The following GRM4 variants were observed in gnomAD, a reference collection of about 807,000 sequenced individuals.
GRM4 encodes the protein metabotropic glutamate receptor 4.
Under a neutral mutation model 81.7 loss-of-function variants are expected in GRM4, and 28 were observed. The observed-to-expected ratio is 0.34, with a 90% CI of 0.25 to 0.47. GRM4 has a LOEUF of 0.47. GRM4 is among the 20% of genes least tolerant of loss of function. GRM4 has a pLI of 1.00. For missense variants in GRM4, 948 were observed against 1,290.0 expected, an observed-to-expected ratio of 0.73 and a Z score of 4.06; for synonymous variants, 488 against 528.8, an observed-to-expected ratio of 0.92 and a Z score of 1.06.
chr6:34,149,142 C>T (rs1371654494), upstream of GRM4, among the ~76,000 whole-genome samples: 4 of 151,414 alleles, frequency 2.6e-5, no homozygotes, highest in African/African-American at 9.8e-5. Context: ...AACTCCCCCC[C>T]AACCTTTTGA....
rs748508636 is a variant in GRM4, at chr6:34,035,776, G to A, written c.2334C>T (p.Pro778=). The A allele has an allele frequency of 1.7e-5, 28 of 1,613,534 alleles. No individual in the cohort carries two copies. Among genetic ancestry groups the A allele is most frequent in the South Asian group, 3.3e-5 (3 of 91,062 alleles). The change falls in exon 9 of 11, where the codon CCC becomes CCT. Residue 778 remains proline (P), a synonymous_variant. Coordinates refer to ENST00000538487, the MANE Select transcript of GRM4 (RefSeq NM_000841.4). The surrounding 1 kb of genome is among the most constrained non-coding windows in gnomAD (Gnocchi z 6.6). The part of the protein sequence containing the change: ...TVYAIKTRGV[P]ETFNEAKPIG... Reference sequence around the variant, plus strand: ...TGGGCTTGGCCTCATTGAAGGTCTCGGGCACGCCGCGTGTCTTGATGGCAT... The same window carrying A: ...TGGGCTTGGCCTCATTGAAGGTCTCAGGCACGCCGCGTGTCTTGATGGCAT...
intron 2 of GRM4, chr6:34,105,975 C>T (rs545921398): frequency 6.6e-6 from 1 of 152,472 alleles, no homozygotes; most frequent in East Asian, 1.9e-4. Flanking sequence ...TCTGTCTGGG[C>T]TATCACAACA....
intron 2 of GRM4, chr6:34,105,947 G>T (rs1044812590): frequency 1.3e-5 from 2 of 152,230 alleles, no homozygotes; most frequent in South Asian, 2.1e-4. Flanking sequence ...GACCGCCCAG[G>T]TCCACAGCTC....
intron 2 of GRM4, among the ~76,000 whole-genome samples, chr6:34,127,478 C>G (rs1373200119): frequency 6.6e-6 from 1 of 152,176 alleles, no homozygotes; most frequent in Non-Finnish European, 1.5e-5. Flanking sequence ...CACAGGGCCT[C>G]TCAGACAGGA....
chr6:34,100,894 CG>C (rs1561813082), intron 2 of GRM4, among the ~76,000 whole-genome samples: 1 of 152,180 alleles, frequency 6.6e-6, no homozygotes, highest in Non-Finnish European at 1.5e-5. Context: ...CAGCCCAGCC[CG>C]GGTCCCTGAG....
rs947414228 is a variant in GRM4, at chr6:34,089,862, G to A, written c.736+2021C>T. ...AGGCTGTGTGTACATGGGTGTGCCTGTGTGTCCCTGTCATACCCTAGCACT... is the reference window on the plus strand; with the variant it reads ...AGGCTGTGTGTACATGGGTGTGCCTATGTGTCCCTGTCATACCCTAGCACT... On this transcript the variant is annotated intron_variant, in intron 3 of 10. Coordinates refer to ENST00000538487, the MANE Select transcript of GRM4 (RefSeq NM_000841.4). The surrounding 1 kb of genome is among the most constrained non-coding windows in gnomAD (Gnocchi z 4.3). 6.6e-6 allele frequency among the ~76,000 whole-genome samples: 1 copy of A among 152,116 alleles called. No individual in the cohort carries two copies. Among genetic ancestry groups the A allele is most frequent in the Non-Finnish European group, 1.5e-5 (1 of 68,020 alleles).
chr6:34,154,884 T>A (rs1771116242), intron 1 of GRM4, among the ~76,000 whole-genome samples: 1 of 152,180 alleles, frequency 6.6e-6, no homozygotes, highest in African/African-American at 2.4e-5. Flanking sequence ...AGCGCGAGCC[T>A]AGCGCCCCAC....
At chr6:34,039,013 G>A in intron 8 of GRM4, among the ~76,000 whole-genome samples, 1 of 152,180 alleles carries the variant, frequency 6.6e-6, no homozygotes, top group East Asian at 1.9e-4. Context: ...GCAGTCCCCG[G>A]CCCCCGTGCT....
chr6:34,040,525 C>A, intron 7 of GRM4, 23 bp downstream of exon 7: 1 of 1,599,956 alleles, frequency 6.3e-7, no homozygotes, highest in Non-Finnish European at 8.5e-7. Flanking sequence ...CAGGGTCAGG[C>A]ACAGTCCGCA....
At chr6:34,146,773 G>C (rs551506779), upstream of GRM4, among the ~76,000 whole-genome samples, 2 of 152,212 alleles carry the variant, frequency 1.3e-5, no homozygotes, top group African/African-American at 4.8e-5. Context: ...TGTGCTTGAC[G>C]ATGCCCAGGC....
At chr6:34,081,363 C>T (rs1382235931) in intron 3 of GRM4, among the ~76,000 whole-genome samples, 1 of 152,218 alleles carries the variant, frequency 6.6e-6, no homozygotes, top group African/African-American at 2.4e-5. Context: ...GTGTATTACA[C>T]ACAAGGAGTC....
chr6:34,153,513 G>A (rs923331779), intron 1 of GRM4, among the ~76,000 whole-genome samples: 1 of 152,264 alleles, frequency 6.6e-6, no homozygotes, highest in African/African-American at 2.4e-5. Flanking sequence ...GCCGAACACT[G>A]CAGAGGTCAT....
At chr6:34,056,499 GCTC>G in intron 6 of GRM4, 42 bp downstream of exon 6, 1 of 1,556,270 alleles carries the variant, frequency 6.4e-7, no homozygotes, top group Non-Finnish European at 8.8e-7. Context: ...GCCCTCCCCG[GCTC>G]CTCCTAGAGC....
In GRM4 at chr6:34,047,620, A is replaced by G. The variant is rs139451755; in HGVS notation, c.1169-6872T>C. The stretch of plus-strand genomic sequence containing the variant: ...CTTCCAGTCTGGGAATTTCTAACCC[A>G]CTTGGCTGGGTCTCCTCCATCCCTA... On this transcript the variant is annotated intron_variant, in intron 6 of 10. Transcript: ENST00000538487. The surrounding 1 kb of genome is among the most constrained non-coding windows in gnomAD (Gnocchi z 4.5). Among the ~76,000 whole-genome samples the G allele has an allele frequency of 4.3e-3, 655 of 151,846 alleles. 7 individuals are homozygous for G. The highest frequency in any genetic ancestry group is 4.6e-3 in the Non-Finnish European group (311 of 67,944).
Position 34,064,636 on chromosome 6 carries a change from C to G in GRM4, c.737-2608G>C, listed in dbSNP as rs1358765171. Among the ~76,000 whole-genome samples the G allele has an allele frequency of 6.6e-6, 1 of 152,182 alleles. No homozygotes were observed. The highest frequency in any genetic ancestry group is 1.9e-4 in the East Asian group (1 of 5,200). ...CAGCCCTATTGTCAGCATGTCCGCT[C>G]AGGGGAGTGGGTAAAGGAACTGGCT... On this transcript the variant is annotated intron_variant, in intron 3 of 10. Coordinates refer to ENST00000538487, the MANE Select transcript of GRM4 (RefSeq NM_000841.4). This position sits in a 1 kb window ranked among gnomAD's most constrained non-coding sequence, Gnocchi z 4.4.
chr6:34,029,573 C>T (rs1045731636), intron 9 of GRM4, among the ~76,000 whole-genome samples: 12 of 152,282 alleles, frequency 7.9e-5, no homozygotes, highest in Non-Finnish European at 1.5e-4. Context: ...GGTTTCCTAC[C>T]TTTGGGAGAG....
At chr6:34,065,702 T>A (rs77546841) in intron 3 of GRM4, among the ~76,000 whole-genome samples, 2 of 152,094 alleles carry the variant, frequency 1.3e-5, no homozygotes, top group Admixed American at 6.5e-5. Context: ...CTGGTGCGTC[T>A]GCTCGCCGGC....
At chr6:34,102,792 C>T (rs994595263) in intron 2 of GRM4, among the ~76,000 whole-genome samples, 14 of 152,186 alleles carry the variant, frequency 9.2e-5, no homozygotes, top group African/African-American at 3.1e-4. Context: ...CTGCACAGCC[C>T]GCCCATGAGA....
In GRM4 at chr6:34,035,524, G is replaced by T. The variant is rs906396975; in HGVS notation, c.2442+144C>A. ...AAGGCAGAATGAGGCATGAAAGAAGGCAGAATGAGGCAAGAAAGAAGGCAG... is the reference window on the plus strand; with the variant it reads ...AAGGCAGAATGAGGCATGAAAGAAGTCAGAATGAGGCAAGAAAGAAGGCAG... On this transcript the variant is annotated intron_variant, in intron 9 of 10. Transcript: ENST00000538487. This position sits in a 1 kb window ranked among gnomAD's most constrained non-coding sequence, Gnocchi z 6.6. 1 of 578,854 alleles carries T rather than the reference G, an allele frequency of 1.7e-6. No homozygotes were observed. The highest frequency in any genetic ancestry group is 3.1e-6 in the Non-Finnish European group (1 of 322,812). 35.9% of individuals were successfully genotyped at this position (578,854 alleles called of 1,614,324 possible).
Sources: gnomAD v4.1 joint callset for allele counts (sites outside exome capture counted in the v4.1 genomes callset) on GRCh38, gnomAD v4.1.1 for gene constraint, Gnocchi (gnomAD v3.1) non-coding constraint, MANE v1.5 for transcripts, NCBI Gene and HGNC (gene_info 2026-07-23, HGNC 2026-07-21) for gene names.